SARNP: variants seen among roughly 807,000 people sequenced by gnomAD.
The protein encoded by SARNP is SAP domain containing ribonucleoprotein, also known as SAP domain-containing ribonucleoprotein.
A neutral mutation model predicts 38.1 loss-of-function variants in SARNP; 5 were observed. The observed-to-expected ratio is 0.13, with a 90% CI of 0.07 to 0.28. The LOEUF (loss-of-function observed/expected upper bound fraction) is 0.28, where lower values mean the gene tolerates loss of function less well. SARNP is among the 10% of genes least tolerant of loss of function. The probability of loss-of-function intolerance (pLI) is 1.00; values close to 1 mark genes in which losing one functional copy is unlikely to be tolerated. For synonymous variants in SARNP, 84 were observed against 80.6 expected, an observed-to-expected ratio of 1.04 and a Z score of -0.23; for missense variants, 180 against 243.9, an observed-to-expected ratio of 0.74 and a Z score of 1.75.
At chr12:55,805,852 TAAATAA>T (rs1209764655) in intron 1 of SARNP, among the ~76,000 whole-genome samples, 3 of 150,918 alleles carry the variant, frequency 2.0e-5, no homozygotes, top group African/African-American at 4.9e-5. Context: ...CTCAAAAAAA[TAAATAA>T]AAATAAAAAT....
chr12:55,817,536 G>A, intron 1 of SARNP, 130 bp downstream of exon 1: 3 of 806,976 alleles, frequency 3.7e-6, no homozygotes, highest in Non-Finnish European at 4.0e-6. Flanking sequence ...TGGCACAAAA[G>A]AGCTACGGCG....
intron 9 of SARNP, among the ~76,000 whole-genome samples, chr12:55,766,188 C>A (rs1037559093): frequency 2.0e-5 from 3 of 152,148 alleles, no homozygotes; most frequent in Non-Finnish European, 4.4e-5. Context: ...TCCCCCACTA[C>A]CCTCTCTCAA....
In SARNP at chr12:55,757,499, C is replaced by G; in HGVS notation, c.*13G>C. ...GAAAACACTGGAGAACAGAAAGTAT[C>G]AGGAACTTTTCATCAGGCAATCCCA... On this transcript the variant is annotated 3_prime_UTR_variant, in exon 11 of 11. Transcript: ENST00000336133. 2 of 1,604,574 alleles carry G rather than the reference C, an allele frequency of 1.2e-6. No homozygotes were observed. The highest frequency in any genetic ancestry group is 1.7e-6 in the Non-Finnish European group (2 of 1,176,436).
At chr12:55,773,345 C>T (rs985925759) in intron 9 of SARNP, among the ~76,000 whole-genome samples, 3 of 152,148 alleles carry the variant, frequency 2.0e-5, no homozygotes, top group Non-Finnish European at 4.4e-5. Context: ...AAGTAAGACT[C>T]CCATCCTGCT....
At chr12:55,796,211 T>C (rs1363634758) in intron 4 of SARNP, 135 bp from the exon 5 acceptor site, 2 of 620,808 alleles carry the variant, frequency 3.2e-6, no homozygotes, top group African/African-American at 1.8e-5. Context: ...CAAAGAAACA[T>C]GAAGTCCACT....
At chr12:55,811,174 A>G (rs1043641377) in intron 1 of SARNP, among the ~76,000 whole-genome samples, 4 of 152,206 alleles carry the variant, frequency 2.6e-5, no homozygotes, top group Non-Finnish European at 5.9e-5. Context: ...CACCTATAAC[A>G]TATATGATGG....
intron 1 of SARNP, among the ~76,000 whole-genome samples, chr12:55,805,734 A>C (rs1246555034): frequency 2.0e-5 from 3 of 152,190 alleles, no homozygotes; most frequent in Non-Finnish European, 1.5e-5. Flanking sequence ...ATATTCACCC[A>C]GCTATTCAGG....
intron 9 of SARNP, among the ~76,000 whole-genome samples, chr12:55,775,148 A>G (rs992135051): frequency 1.3e-5 from 2 of 150,914 alleles, no homozygotes; most frequent in African/African-American, 4.9e-5. Flanking sequence ...CAGCCTCCCA[A>G]AGCACTGGGA....
intron 2 of SARNP, among the ~76,000 whole-genome samples, chr12:55,802,798 G>A (rs1267926386): frequency 1.3e-5 from 2 of 151,046 alleles, no homozygotes; most frequent in Non-Finnish European, 2.9e-5. Context: ...AGGCTTGGTG[G>A]CAATAAAATT....
At chr12:55,813,539 ATT>A (rs11412761) in intron 1 of SARNP, among the ~76,000 whole-genome samples, 22 of 108,060 alleles carry the variant, frequency 2.0e-4, no homozygotes, top group Non-Finnish European at 1.9e-4. Context: ...GCTGCCTGGA[ATT>A]TTTTTTTTTT....
At chr12:55,817,567 A>G (rs1231484224) in intron 1 of SARNP, 99 bp downstream of exon 1, 1 of 1,142,054 alleles carries the variant, frequency 8.8e-7, no homozygotes, top group Non-Finnish European at 1.3e-6. Context: ...AACGAAGTGG[A>G]AAAGGCTGCA....
intron 5 of SARNP, among the ~76,000 whole-genome samples, chr12:55,795,690 C>T (rs1374588444): frequency 6.6e-6 from 1 of 152,212 alleles, no homozygotes; most frequent in African/African-American, 2.4e-5. Context: ...TCAATCTCAG[C>T]TACTGGCCAG....
At chr12:55,797,392 G>A (rs1879852400) in intron 4 of SARNP, among the ~76,000 whole-genome samples, 1 of 152,152 alleles carries the variant, frequency 6.6e-6, no homozygotes, top group Non-Finnish European at 1.5e-5. Context: ...CATGAAGAAG[G>A]GGATCTCCTT....
chr12:55,808,733 C>T (rs962250743), intron 1 of SARNP, among the ~76,000 whole-genome samples: 56 of 152,130 alleles, frequency 3.7e-4, no homozygotes, highest in African/African-American at 1.3e-3. Flanking sequence ...TGTACTCCAG[C>T]CTGGGCAACA....
At chr12:55,760,312 G>A (rs893671094) in intron 10 of SARNP, 1 of 503,982 alleles carries the variant, frequency 2.0e-6, no homozygotes, top group Non-Finnish European at 3.5e-6. Context: ...ACCAGCCTGA[G>A]CAACAGAATG....
At chr12:55,769,451 A>G (rs1322134684) in intron 9 of SARNP, among the ~76,000 whole-genome samples, 5 of 152,216 alleles carry the variant, frequency 3.3e-5, no homozygotes, top group Non-Finnish European at 7.3e-5. Context: ...AGGACTCATA[A>G]CGGAAATTTG....
chr12:55,753,205 T>G (rs1385047178), downstream of SARNP: 1 of 152,134 alleles, frequency 6.6e-6, no homozygotes, highest in African/African-American at 2.4e-5. Flanking sequence ...ATCCAGCTAG[T>G]ATGGAAGATC....
At chr12:55,811,217 T>C (rs192240779) in intron 1 of SARNP, among the ~76,000 whole-genome samples, 12 of 152,270 alleles carry the variant, frequency 7.9e-5, no homozygotes, top group African/African-American at 1.9e-4. Flanking sequence ...ACCTAAGTGG[T>C]TGGTATTACA....
In SARNP at chr12:55,813,240, G is replaced by A. The variant is rs146365602; in HGVS notation, c.36+4426C>T. Among the ~76,000 whole-genome samples the A allele has an allele frequency of 1.2e-3, 183 of 152,106 alleles. 7 individuals are homozygous for A. Among genetic ancestry groups the A allele is most frequent in the Admixed American group, 7.5e-3 (114 of 15,266 alleles). On this transcript the variant is annotated intron_variant, in intron 1 of 10. Coordinates refer to ENST00000336133, the MANE Select transcript of SARNP (RefSeq NM_033082.4). The stretch of plus-strand genomic sequence containing the variant: ...ATTACAGGCATGAGCCACCGTGCCC[G>A]GCATGTTTAGCTGATTTTTTAAGAA...
Sources: gnomAD v4.1 joint callset for allele counts (sites outside exome capture counted in the v4.1 genomes callset) on GRCh38, gnomAD v4.1.1 for gene constraint, MANE v1.5 for transcripts, NCBI Gene and HGNC (gene_info 2026-07-23, HGNC 2026-07-21) for gene names.